Variants in CUL3 observed in about 807,000 individuals in gnomAD.
CUL3 encodes cullin 3, also known as cullin-3.
Under a neutral mutation model 89.1 loss-of-function variants are expected in CUL3, and 19 were observed. The observed-to-expected ratio is 0.21, with a 90% confidence interval of 0.15 to 0.31. The LOEUF is 0.31. CUL3 is among the 10% of genes least tolerant of loss of function. CUL3 has a pLI of 1.00. For missense variants in CUL3, 469 were observed against 942.3 expected (o/e 0.50, Z 6.58); for synonymous variants, 351 against 308.4 (o/e 1.14, Z -1.45).
chr2:224,550,642 G>C (rs141246710), intron 2 of CUL3, among the ~76,000 whole-genome samples: 1 of 152,238 alleles, frequency 6.6e-6, no homozygotes, highest in East Asian at 1.9e-4. Flanking sequence ...ACTTAAAACT[G>C]ATCTTAGATT....
At chr2:224,478,444 A>G in intron 14 of CUL3, 99 bp from the exon 15 acceptor site, 2 of 1,153,208 alleles carry the variant, frequency 1.7e-6, no homozygotes, top group Non-Finnish European at 2.4e-6. Context: ...ATAAAAACCA[A>G]TTTCAGCCTC....
At chr2:224,508,101 T>C (rs545836604) in intron 6 of CUL3, among the ~76,000 whole-genome samples, 2 of 104,662 alleles carry the variant, frequency 1.9e-5, no homozygotes, top group South Asian at 7.8e-4. Context: ...CATGTGTAAA[T>C]ACTCTTGATT....
rs578043678 is a variant in CUL3, at chr2:224,547,653, C to T, written c.264+10006G>A. Among the ~76,000 whole-genome samples the T allele has an allele frequency of 2.0e-5, 3 of 152,154 alleles. No homozygotes were observed. The South Asian group carries it at 6.2e-4, about 32-fold the overall frequency. ...ATCTCTGTGGGCCTCTGAAATGAAT[C>T]TGAATTTGCTAAGGAAAATCTTATT... On this transcript the variant is annotated intron_variant, in intron 2 of 15. Coordinates refer to ENST00000264414, the MANE Select transcript of CUL3 (RefSeq NM_003590.5).
rs1691246801 is a variant in CUL3 at position 224,474,520 on chromosome 2, G to C, written c.2176-144C>G. ...ATAAAAGCACAGAAACTTTAAAAAG[G>C]TTCTGTTTGAAAATGTAATATTATG... On this transcript the variant is annotated intron_variant, in intron 15 of 15. Coordinates refer to ENST00000264414, the MANE Select transcript of CUL3 (RefSeq NM_003590.5). 3 of 655,638 alleles carry C rather than the reference G, an allele frequency of 4.6e-6. No individual in the cohort carries two copies. In the South Asian group the frequency reaches 6.9e-5, roughly 15 times the overall value. 40.6% of individuals were successfully genotyped at this position (655,638 alleles called of 1,614,324 possible). A position where few individuals can be genotyped will look rare whatever the true frequency, so the allele number is the denominator to read the frequency against.
At chr2:224,567,533 A>G (rs1298670064) in intron 1 of CUL3, among the ~76,000 whole-genome samples, 1 of 152,018 alleles carries the variant, frequency 6.6e-6, no homozygotes. Context: ...AAGCCAGGAG[A>G]TCCAGATCAT....
At chr2:224,505,528 T>G (rs528024569) in intron 8 of CUL3, among the ~76,000 whole-genome samples, 18 of 152,350 alleles carry the variant, frequency 1.2e-4, no homozygotes, top group Admixed American at 9.2e-4. Context: ...CTTGAACTCC[T>G]GAGCTCAAGT....
At chr2:224,544,623 A>AAT (rs1417492949) in intron 2 of CUL3, among the ~76,000 whole-genome samples, 1 of 151,930 alleles carries the variant, frequency 6.6e-6, no homozygotes, top group Non-Finnish European at 1.5e-5. Flanking sequence ...GTCACTTTAT[A>AAT]AATTTTGCCA....
At position 224,483,275 on chromosome 2, in the gene CUL3, G is replaced by A. The variant is rs60842000; in HGVS notation, c.1843-1197C>T. ...TATTCAATGAACCAGAAATACCTTA[G>A]GTGGTATTTTAAGATTACAGATCAT... On this transcript the variant is annotated intron_variant, in intron 13 of 15. Transcript: ENST00000264414. Among the ~76,000 whole-genome samples, 4 of 152,182 alleles carry A rather than the reference G, an allele frequency of 2.6e-5. No individual in the cohort carries two copies. The East Asian group carries it at 7.7e-4, about 29-fold the overall frequency.
intron 3 of CUL3, among the ~76,000 whole-genome samples, chr2:224,519,309 A>G (rs1007916691): frequency 6.6e-6 from 1 of 152,210 alleles, no homozygotes; most frequent in African/African-American, 2.4e-5. Flanking sequence ...CTCATTATGT[A>G]TATGCAAATA....
At chr2:224,577,267 T>C (rs963412945) in intron 1 of CUL3, among the ~76,000 whole-genome samples, 1 of 152,076 alleles carries the variant, frequency 6.6e-6, no homozygotes, top group African/African-American at 2.4e-5. Flanking sequence ...AAGTAACTTG[T>C]TAAAGGTTAT....
chr2:224,565,497 C>A (rs1360111828), intron 1 of CUL3, among the ~76,000 whole-genome samples: 2 of 152,202 alleles, frequency 1.3e-5, no homozygotes, highest in African/African-American at 2.4e-5. Context: ...TCTGCTTTTT[C>A]ATTCCTCTAA....
At chr2:224,478,900 A>G (rs940652042) in intron 14 of CUL3, 31 of 152,422 alleles carry the variant, frequency 2.0e-4, no homozygotes, top group African/African-American at 7.2e-4. Context: ...AAATCTCCCT[A>G]GAGTTCTGTT....
chr2:224,529,783 T>C (rs1239621818), intron 3 of CUL3, among the ~76,000 whole-genome samples: 1 of 152,162 alleles, frequency 6.6e-6, no homozygotes, highest in Non-Finnish European at 1.5e-5. Flanking sequence ...GTAGAGTTGA[T>C]TTTTGCAACA....
intron 13 of CUL3, among the ~76,000 whole-genome samples, chr2:224,492,430 C>T (rs919141415): frequency 2.0e-4 from 30 of 152,100 alleles, no homozygotes; most frequent in Non-Finnish European, 3.1e-4. Flanking sequence ...ATTAATAGTG[C>T]TATTGTCTGT....
chr2:224,516,795 C>T (rs1047434263), intron 3 of CUL3, among the ~76,000 whole-genome samples: 3 of 150,630 alleles, frequency 2.0e-5, no homozygotes, highest in South Asian at 2.1e-4. Flanking sequence ...TACAGGCACC[C>T]GCCACCATGC....
chr2:224,476,758 T>G (rs1012981871), intron 15 of CUL3, among the ~76,000 whole-genome samples: 8 of 152,186 alleles, frequency 5.3e-5, no homozygotes, highest in Non-Finnish European at 1.0e-4. Flanking sequence ...TATCCCTTCA[T>G]CTCATTTTTT....
chr2:224,503,925 T>C, intron 8 of CUL3, 103 bp from the exon 9 acceptor site: 4 of 878,574 alleles, frequency 4.6e-6, no homozygotes, highest in South Asian at 4.5e-5. Flanking sequence ...AAAACATAGA[T>C]ATCTGGTTGA....
At chr2:224,502,017 G>C (rs1268283346) in intron 10 of CUL3, among the ~76,000 whole-genome samples, 1 of 152,134 alleles carries the variant, frequency 6.6e-6, no homozygotes, top group African/African-American at 2.4e-5. Flanking sequence ...TTCTGTCATG[G>C]ACTTGCATCT....
chr2:224,481,068 GTA>G (rs1273653631), intron 14 of CUL3, among the ~76,000 whole-genome samples: 1 of 151,954 alleles, frequency 6.6e-6, no homozygotes, highest in Non-Finnish European at 1.5e-5. Flanking sequence ...GTAATCAACT[GTA>G]TATTTAACAT....
Sources: allele counts gnomAD v4.1 joint callset (sites outside exome capture counted in the v4.1 genomes callset), GRCh38; gene constraint gnomAD v4.1.1; transcripts MANE v1.5; gene names NCBI Gene and HGNC (gene_info 2026-07-23, HGNC 2026-07-21).